MEX3A: variants seen among roughly 807,000 people sequenced by gnomAD.
MEX3A encodes the protein mex-3 RNA binding family member A.
MEX3A carries 4 observed loss-of-function variants against 30.0 expected under a neutral mutation model. The observed-to-expected ratio is 0.13, with a 90% confidence interval of 0.07 to 0.30. MEX3A has a LOEUF of 0.30. Among genes scored for constraint, MEX3A ranks in the 10% least tolerant of loss-of-function variants. The pLI is 1.00. For missense variants in MEX3A, 555 were observed against 736.7 expected, an observed-to-expected ratio of 0.75 and a Z score of 2.86; for synonymous variants, 335 against 327.6, an observed-to-expected ratio of 1.02 and a Z score of -0.24.
chr1:156,077,792 T>G lies in MEX3A; in HGVS notation c.455-110A>C. Reference sequence around the variant, plus strand: ...CAAATACCTAGCCTCCCAGGAACACTTCAGTCTACCCTTTGAAATGCCCAC... The same window carrying G: ...CAAATACCTAGCCTCCCAGGAACACGTCAGTCTACCCTTTGAAATGCCCAC... On this transcript the variant is annotated intron_variant, in intron 1 of 1. Coordinates refer to ENST00000532414, the MANE Select transcript of MEX3A (RefSeq NM_001093725.2). The surrounding 1 kb of genome is among the most constrained non-coding windows in gnomAD (Gnocchi z 8.3). 7.0e-7 allele frequency: 1 copy of G among 1,425,902 alleles called. No individual in the cohort carries two copies. The highest frequency in any genetic ancestry group is 1.9e-4 in the Middle Eastern group (1 of 5,130). 88.3% of individuals were successfully genotyped at this position (1,425,902 alleles called of 1,614,324 possible).
At position 156,074,366 on chromosome 1, in the gene MEX3A, G is replaced by A. The variant is rs1039606649; in HGVS notation, c.*2208C>T. The A allele has an allele frequency of 2.8e-5, 4 of 144,086 alleles. No individual in the cohort carries two copies. Among genetic ancestry groups the A allele is most frequent in the Non-Finnish European group, 4.5e-5 (3 of 66,450 alleles). The allele number at this position is 144,086 out of a possible 1,614,324, so 8.9% of individuals were successfully genotyped here. A position where few individuals can be genotyped will look rare whatever the true frequency, so the allele number is the denominator to read the frequency against. On this transcript the variant is annotated 3_prime_UTR_variant, in exon 2 of 2. Coordinates refer to ENST00000532414, the MANE Select transcript of MEX3A (RefSeq NM_001093725.2). ...TTGCTACATTTATATGGTAATAAAC[G>A]CCTTTATTAAAATAGAATATTAAAT...
chr1:156,080,983 T>C (rs375012189), intron 1 of MEX3A, among the ~76,000 whole-genome samples: 338 of 151,848 alleles, frequency 2.2e-3, no homozygotes, highest in African/African-American at 7.7e-3. Flanking sequence ...GACCCCCTCC[T>C]CTCAGCAGCC....
In MEX3A at chr1:156,075,524, C is replaced by T. The variant is rs1648032394; in HGVS notation, c.*1050G>A. Reference sequence around the variant, plus strand: ...GACCCTTTACCCCAGTATTAGTCCCCTCCTCACATTTTCACTGAGAATGGG... The same window carrying T: ...GACCCTTTACCCCAGTATTAGTCCCTTCCTCACATTTTCACTGAGAATGGG... On this transcript the variant is annotated 3_prime_UTR_variant, in exon 2 of 2. Transcript: ENST00000532414. The T allele has an allele frequency of 6.5e-6, 1 of 152,796 alleles. No individual in the cohort carries two copies. Among genetic ancestry groups the T allele is most frequent in the Non-Finnish European group, 1.5e-5 (1 of 68,048 alleles). The allele number at this position is 152,796 out of a possible 1,614,324, so 9.5% of individuals were successfully genotyped here. A position where few individuals can be genotyped will look rare whatever the true frequency, so the allele number is the denominator to read the frequency against.
At position 156,076,867 on chromosome 1, in the gene MEX3A, C is replaced by T. The variant is rs1199289769; in HGVS notation, c.1270G>A (p.Gly424Ser). The T allele has an allele frequency of 6.5e-7, 1 of 1,537,858 alleles. No homozygotes were observed. The highest frequency in any genetic ancestry group is 8.8e-7 in the Non-Finnish European group (1 of 1,141,580). ...SSAKARAGPP[G>S]AHRSPATSAG... ...GAAGTGGCAGGGGAGCGGTGTGCGC[C>T]CGGGGGCCCAGCGCGGGCCTTGGCG... The change falls in exon 2 of 2, where the codon GGC (glycine) becomes AGC (serine). Residue 424 changes from glycine (G) to serine (S), a missense_variant. Gly to Ser is a moderately conservative substitution (Grantham distance 56). This residue lies in a region of MEX3A where 281 missense variants were observed against 265.1 expected (regional missense o/e 1.06). Transcript: ENST00000532414. This position sits in a 1 kb window ranked among gnomAD's most constrained non-coding sequence, Gnocchi z 6.0.
Position 156,073,772 on chromosome 1 carries a change from C to T in MEX3A, c.*2802G>A, listed in dbSNP as rs1000296361. 1.3e-5 allele frequency: 2 copies of T among 152,608 alleles called. No individual in the cohort carries two copies. The highest frequency in any genetic ancestry group is 2.9e-5 in the Non-Finnish European group (2 of 68,022). 9.5% of individuals were successfully genotyped at this position (152,608 alleles called of 1,614,324 possible). A position where few individuals can be genotyped will look rare whatever the true frequency, so the allele number is the denominator to read the frequency against. On this transcript the variant is annotated 3_prime_UTR_variant, in exon 2 of 2. Coordinates refer to ENST00000532414, the MANE Select transcript of MEX3A (RefSeq NM_001093725.2). ...AAATCTAGATCTCTTAAATCTCACA[C>T]ATCTCTGAGGGTTCCTATAGGCCTG... is the stretch of plus-strand genomic sequence containing the variant.
Position 156,076,423 on chromosome 1 carries a change from C to T in MEX3A, c.*151G>A. 3 of 808,986 alleles carry T rather than the reference C, an allele frequency of 3.7e-6. No individual in the cohort carries two copies. The highest frequency in any genetic ancestry group is 5.6e-6 in the Non-Finnish European group (3 of 534,606). 50.1% of individuals were successfully genotyped at this position (808,986 alleles called of 1,614,324 possible). On this transcript the variant is annotated 3_prime_UTR_variant, in exon 2 of 2. Coordinates refer to ENST00000532414, the MANE Select transcript of MEX3A (RefSeq NM_001093725.2). This position sits in a 1 kb window ranked among gnomAD's most constrained non-coding sequence, Gnocchi z 6.0. ...GAGGCTCTGAAAGTGGCGCACCCTC[C>T]AGCCACCACTGCCTCCCTCCCCCCT... is the stretch of plus-strand genomic sequence containing the variant.
chr1:156,074,402 T>G lies in MEX3A; in HGVS notation c.*2172A>C, dbSNP rs1285634073. 1.3e-5 allele frequency: 2 copies of G among 151,366 alleles called. No individual in the cohort carries two copies. Among genetic ancestry groups the G allele is most frequent in the African/African-American group, 4.9e-5 (2 of 41,198 alleles). The allele number at this position is 151,366 out of a possible 1,614,324, so 9.4% of individuals were successfully genotyped here. A position where few individuals can be genotyped will look rare whatever the true frequency, so the allele number is the denominator to read the frequency against. On this transcript the variant is annotated 3_prime_UTR_variant, in exon 2 of 2. Coordinates refer to ENST00000532414, the MANE Select transcript of MEX3A (RefSeq NM_001093725.2). ...AATAGAATATTAAATTATAAAGAAC[T>G]GCTTTTTTTTTTTTTTTTTGCTATT...
rs1286466271 is a variant in MEX3A, at chr1:156,073,054, G to T, written c.*3520C>A. ...TCTTGAAGCTCTGAAGGTGAGAAGC[G>T]TGTGTGCATGTGTGTCTGTTTGTGG... On this transcript the variant is annotated 3_prime_UTR_variant, in exon 2 of 2. Transcript: ENST00000532414. 2 of 152,472 alleles carry T rather than the reference G, an allele frequency of 1.3e-5. No homozygotes were observed. Among genetic ancestry groups the T allele is most frequent in the East Asian group, 3.7e-4 (2 of 5,334 alleles). 9.4% of individuals were successfully genotyped at this position (152,472 alleles called of 1,614,324 possible).
At position 156,076,872 on chromosome 1, in the gene MEX3A, G is replaced by A. The variant is rs1453632285; in HGVS notation, c.1265C>T (p.Pro422Leu). 3 of 1,538,586 alleles carry A rather than the reference G, an allele frequency of 1.9e-6. No individual in the cohort carries two copies. The highest frequency in any genetic ancestry group is 2.6e-6 in the Non-Finnish European group (3 of 1,142,078). ...SSSSAKARAG[P>L]PGAHRSPATS... ...GGCAGGGGAGCGGTGTGCGCCCGGG[G>A]GCCCAGCGCGGGCCTTGGCGGAAGA... The change falls in exon 2 of 2, where the codon CCC becomes CTC. Residue 422 changes from proline to leucine, a missense_variant. Pro to Leu is a moderately conservative substitution (Grantham distance 98). This residue lies in a region of MEX3A where 281 missense variants were observed against 265.1 expected (regional missense o/e 1.06). Transcript: ENST00000532414. This position sits in a 1 kb window ranked among gnomAD's most constrained non-coding sequence, Gnocchi z 6.0.
rs1648098472 is a variant in MEX3A at position 156,077,105 on chromosome 1, C to T, written c.1032G>A (p.Glu344=). The T allele has an allele frequency of 6.2e-7, 1 of 1,613,902 alleles. No individual in the cohort carries two copies. The highest frequency in any genetic ancestry group is 1.6e-4 in the Middle Eastern group (1 of 6,062). The change falls in exon 2 of 2, where the codon GAG becomes GAA. Residue 344 remains glutamate, a synonymous_variant. Coordinates refer to ENST00000532414, the MANE Select transcript of MEX3A (RefSeq NM_001093725.2). The surrounding 1 kb of genome is among the most constrained non-coding windows in gnomAD (Gnocchi z 8.3). ...CCTCAAAGCCAGAGTCCACTCCGCA[C>T]TCGCCGATGCAGCCCAGGCTGTTCT... ...FRQNSLGCIG[E]CGVDSGFEAP...
chr1:156,076,896 G>A lies in MEX3A; in HGVS notation c.1241C>T (p.Ser414Phe). ...LFSSASSSSS[S>F]SAKARAGPPG... Reference sequence around the variant, plus strand: ...GGGCCCAGCGCGGGCCTTGGCGGAAGAGGAGGAGGAGGAGGAGGCAGAGGA... The same window carrying A: ...GGGCCCAGCGCGGGCCTTGGCGGAAAAGGAGGAGGAGGAGGAGGCAGAGGA... The change falls in exon 2 of 2, where the codon TCT (serine) becomes TTT (phenylalanine). Residue 414 changes from serine (S) to phenylalanine (F), a missense_variant. Transcript: ENST00000532414. This position sits in a 1 kb window ranked among gnomAD's most constrained non-coding sequence, Gnocchi z 6.0. The A allele has an allele frequency of 6.6e-7, 1 of 1,507,346 alleles. No homozygotes were observed. The highest frequency in any genetic ancestry group is 8.9e-7 in the Non-Finnish European group (1 of 1,123,294). 93.4% of individuals were successfully genotyped at this position (1,507,346 alleles called of 1,614,324 possible).
At chr1:156,078,177 C>T (rs1648125355) in intron 1 of MEX3A, among the ~76,000 whole-genome samples, 1 of 152,164 alleles carries the variant, frequency 6.6e-6, no homozygotes, top group Non-Finnish European at 1.5e-5. Flanking sequence ...TCATAATCTA[C>T]TCATCTGACC....
chr1:156,080,773 C>A (rs1648198284), intron 1 of MEX3A, among the ~76,000 whole-genome samples: 2 of 151,792 alleles, frequency 1.3e-5, no homozygotes. Flanking sequence ...TCTTACCCCC[C>A]AGCATTCCCC....
chr1:156,077,294 G>T lies in MEX3A; in HGVS notation c.843C>A (p.Arg281=). ...CCGCGATGTGCGTCTCGATCTCCTC[G>T]CGCGCACGCTCCACGTTGCCTGGGG... ...TGAPGNVERA[R]EEIETHIAVR... Residue 281 remains arginine, a synonymous_variant, in exon 2 of 2, where the codon CGC becomes CGA. Coordinates refer to ENST00000532414, the MANE Select transcript of MEX3A (RefSeq NM_001093725.2). This position sits in a 1 kb window ranked among gnomAD's most constrained non-coding sequence, Gnocchi z 8.3. 1 of 1,613,946 alleles carries T rather than the reference G, an allele frequency of 6.2e-7. No individual in the cohort carries two copies. The highest frequency in any genetic ancestry group is 8.5e-7 in the Non-Finnish European group (1 of 1,179,862).
In MEX3A at chr1:156,077,118, C is replaced by A. The variant is rs775631919; in HGVS notation, c.1019G>T (p.Gly340Val). 8 of 1,613,744 alleles carry A rather than the reference C, an allele frequency of 5.0e-6. No individual in the cohort carries two copies. The highest frequency in any genetic ancestry group is 6.8e-6 in the Non-Finnish European group (8 of 1,179,852). Residue 340 changes from glycine (G) to valine (V), a missense_variant, in exon 2 of 2, where the codon GGC (glycine) becomes GTC (valine). Physicochemically the swap from Gly to Val is moderately radical, Grantham distance 109. Transcript: ENST00000532414. The surrounding 1 kb of genome is among the most constrained non-coding windows in gnomAD (Gnocchi z 8.3). ...PLSTFRQNSL[G>V]CIGECGVDSG... is the part of the protein sequence containing the mutation. ...GTCCACTCCGCACTCGCCGATGCAG[C>A]CCAGGCTGTTCTGCCGGAAGGTGGA... is the stretch of plus-strand genomic sequence containing the variant.
In MEX3A at chr1:156,082,254, A is replaced by T. The variant is rs1225477600; in HGVS notation, c.-256T>A. 1.5e-5 allele frequency among the ~76,000 whole-genome samples: 2 copies of T among 131,154 alleles called. No individual in the cohort carries two copies. Among genetic ancestry groups the T allele is most frequent in the Non-Finnish European group, 3.2e-5 (2 of 62,038 alleles). The allele number at this position is 131,154 out of a possible 152,430, so 86.0% of individuals were successfully genotyped here. A position where few individuals can be genotyped will look rare whatever the true frequency, so the allele number is the denominator to read the frequency against. ...GGGGGTGGGGGGAAAGAGAAGCAAA[A>T]CCAAGAAAGCAGATCTCCTCTCCTC... is the stretch of plus-strand genomic sequence containing the variant. On this transcript the variant is annotated 5_prime_UTR_variant, in exon 1 of 2. Transcript: ENST00000532414.
At position 156,081,617 on chromosome 1, in the gene MEX3A, C is replaced by T. The variant is rs1163826131; in HGVS notation, c.382G>A (p.Gly128Ser). The T allele has an allele frequency of 1.2e-5, 19 of 1,575,382 alleles. No individual in the cohort carries two copies. Among genetic ancestry groups the T allele is most frequent in the Non-Finnish European group, 1.5e-5 (18 of 1,163,244 alleles). The change falls in exon 1 of 2, where the codon GGC becomes AGC. Residue 128 changes from glycine (G) to serine (S), a missense_variant. Around this residue, in one of 6 missense-constraint regions of MEX3A, gnomAD observed 32 missense variants for 107.4 expected, o/e 0.30. Coordinates refer to ENST00000532414, the MANE Select transcript of MEX3A (RefSeq NM_001093725.2). ...ACACACTCCGTGGTGTTGCTGCTGC[C>T]CTTCAGGCGCAGCTCGGCCTCTTTG... ...LYKEAELRLK[G>S]SSNTTECVPV... is the part of the protein sequence containing the mutation.
At position 156,072,790 on chromosome 1, in the gene MEX3A, G is replaced by A. The variant is rs771547251; in HGVS notation, c.*3784C>T. The A allele has an allele frequency of 1.3e-5, 2 of 152,616 alleles. No individual in the cohort carries two copies. Among genetic ancestry groups the A allele is most frequent in the Non-Finnish European group, 2.9e-5 (2 of 68,046 alleles). 9.5% of individuals were successfully genotyped at this position (152,616 alleles called of 1,614,324 possible). ...GTCCCTGTGCCTTTCCCCAGCCTCT[G>A]TGCCCATGGGGATGCCTTTCTCCCA... On this transcript the variant is annotated 3_prime_UTR_variant, in exon 2 of 2. Coordinates refer to ENST00000532414, the MANE Select transcript of MEX3A (RefSeq NM_001093725.2).
At chr1:156,079,281 T>C (rs1188484642) in intron 1 of MEX3A, among the ~76,000 whole-genome samples, 2 of 151,974 alleles carry the variant, frequency 1.3e-5, no homozygotes, top group South Asian at 4.2e-4. Flanking sequence ...TGGCATAATC[T>C]CGGCTCACTG....
Sources: gnomAD v4.1 joint callset for allele counts (sites outside exome capture counted in the v4.1 genomes callset) on GRCh38, gnomAD v4.1.1 for gene constraint, gnomAD v4.1.1 regional missense constraint, Gnocchi (gnomAD v3.1) non-coding constraint, MANE v1.5 for transcripts, NCBI Gene and HGNC (gene_info 2026-07-23, HGNC 2026-07-21) for gene names.